Variants in CDC42EP4 observed in about 807,000 individuals in gnomAD.
CDC42EP4 encodes CDC42 effector protein (Rho GTPase binding) 4.
Under a neutral mutation model 5.6 loss-of-function variants are expected in CDC42EP4, and 6 were observed. That is an observed-to-expected ratio of 1.07 (90% CI 0.59 to 2.12). The LOEUF is 2.12. CDC42EP4 is among the 30% of genes most tolerant of loss of function. The pLI, the probability that CDC42EP4 is intolerant of heterozygous loss-of-function variation, is 0.00. For synonymous variants in CDC42EP4, 230 were observed against 224.2 expected (o/e 1.03, Z -0.23); for missense variants, 490 against 508.6 (o/e 0.96, Z 0.35).
intron 1 of CDC42EP4, among the ~76,000 whole-genome samples, chr17:73,309,226 T>C (rs1462321504): frequency 6.6e-6 from 1 of 151,688 alleles, no homozygotes; most frequent in Non-Finnish European, 1.5e-5. Context: ...TGGGCGCCAG[T>C]AGTCCCAGCT....
intron 1 of CDC42EP4, among the ~76,000 whole-genome samples, chr17:73,307,781 G>A (rs1422939038): frequency 1.9e-5 from 1 of 52,588 alleles, no homozygotes; most frequent in Non-Finnish European, 4.2e-5. Context: ...TTTTTTTTTT[G>A]AGATGGAGTC....
rs368084476 is a variant in CDC42EP4 at position 73,304,607 on chromosome 17, T to A, written c.-113+7286A>T. Among the ~76,000 whole-genome samples, 13 of 132,058 alleles carry A rather than the reference T, an allele frequency of 9.8e-5. No individual in the cohort carries two copies. In the East Asian group the frequency reaches 2.5e-3, roughly 25 times the overall value. 86.6% of individuals were successfully genotyped at this position (132,058 alleles called of 152,430 possible). A position where few individuals can be genotyped will look rare whatever the true frequency, so the allele number is the denominator to read the frequency against. On this transcript the variant is annotated intron_variant, in intron 1 of 1. Transcript: ENST00000335793. ...TAGGAGAGAGAGACAAGAATCCAGA[T>A]GTGCTGGACTCTGGGTTTTTTCCAC...
At position 73,286,138 on chromosome 17, in the gene CDC42EP4, C is replaced by T. The variant is rs1257824189; in HGVS notation, c.363G>A (p.Gln121=). ...TCTCCGCGGCCTCCTTCTCATTGAG[C>T]TGGGGCAGGGACATGGCATTCTTGA... is the stretch of plus-strand genomic sequence containing the variant. ...LFVKNAMSLP[Q]LNEKEAAEKG... is the part of the protein sequence containing the mutation. Residue 121 remains glutamine, a synonymous_variant, in exon 2 of 2, where the codon CAG becomes CAA. Transcript: ENST00000335793. This position sits in a 1 kb window ranked among gnomAD's most constrained non-coding sequence, Gnocchi z 7.7. 1.2e-6 allele frequency: 2 copies of T among 1,614,086 alleles called. No individual in the cohort carries two copies. The highest frequency in any genetic ancestry group is 1.7e-6 in the Non-Finnish European group (2 of 1,180,042).
intron 1 of CDC42EP4, among the ~76,000 whole-genome samples, chr17:73,304,028 A>G: frequency 6.6e-6 from 1 of 152,308 alleles, no homozygotes; most frequent in African/African-American, 2.4e-5. Flanking sequence ...CTCCGGAATA[A>G]CATCTCTCCA....
chr17:73,293,346 T>C (rs2062170331), intron 1 of CDC42EP4, among the ~76,000 whole-genome samples: 1 of 152,142 alleles, frequency 6.6e-6, no homozygotes, highest in African/African-American at 2.4e-5. Flanking sequence ...GATGTGGGTC[T>C]GGCGAAGGGG....
chr17:73,285,376 G>T lies in CDC42EP4; in HGVS notation c.*54C>A, dbSNP rs1015411234. On this transcript the variant is annotated 3_prime_UTR_variant, in exon 2 of 2. Coordinates refer to ENST00000335793, the MANE Select transcript of CDC42EP4 (RefSeq NM_012121.5). This position sits in a 1 kb window ranked among gnomAD's most constrained non-coding sequence, Gnocchi z 6.8. The stretch of plus-strand genomic sequence containing the variant: ...GTAGGGTCAAAGGTCATAGTGGGGT[G>T]GGGGCAGGGAGAAGATGCAGCCAAG... The T allele has an allele frequency of 3.6e-6, 5 of 1,387,292 alleles. No individual in the cohort carries two copies. In the African/African-American group the frequency reaches 4.3e-5, roughly 12 times the overall value. 85.9% of individuals were successfully genotyped at this position (1,387,292 alleles called of 1,614,324 possible).
rs199968361 is a variant in CDC42EP4, at chr17:73,286,202, C to G, written c.299G>C (p.Arg100Pro). 8 of 1,614,152 alleles carry G rather than the reference C, an allele frequency of 5.0e-6. No homozygotes were observed. The highest frequency in any genetic ancestry group is 6.8e-6 in the Non-Finnish European group (8 of 1,180,048). Residue 100 changes from arginine (R) to proline (P), a missense_variant, in exon 2 of 2, where the codon CGT becomes CCT. Transcript: ENST00000335793. The surrounding 1 kb of genome is among the most constrained non-coding windows in gnomAD (Gnocchi z 7.7). ...QSVTRGEREQ[R>P]DMLGSLRDSA... The stretch of plus-strand genomic sequence containing the variant: ...GTCCCGCAGGGAGCCCAGCATGTCA[C>G]GCTGCTCCCGCTCCCCCCTGGTCAC...
chr17:73,298,266 G>A (rs2062199186), intron 1 of CDC42EP4, among the ~76,000 whole-genome samples: 1 of 152,178 alleles, frequency 6.6e-6, no homozygotes, highest in African/African-American at 2.4e-5. Flanking sequence ...AGTTGCCTGG[G>A]CGGAGGAAGT....
chr17:73,288,642 CCGCCTCCAAG>C (rs1002188604), intron 1 of CDC42EP4, among the ~76,000 whole-genome samples: 1 of 152,058 alleles, frequency 6.6e-6, no homozygotes, highest in Non-Finnish European at 1.5e-5. Flanking sequence ...CCGCCTCCAA[CCGCCTCCAAG>C]CACCCACTGG....
chr17:73,285,740 G>C lies in CDC42EP4; in HGVS notation c.761C>G (p.Pro254Arg). 2 of 1,586,692 alleles carry C rather than the reference G, an allele frequency of 1.3e-6. No homozygotes were observed. Among genetic ancestry groups the C allele is most frequent in the Non-Finnish European group, 1.7e-6 (2 of 1,161,162 alleles). The change falls in exon 2 of 2, where the codon CCG becomes CGG. Residue 254 changes from proline to arginine, a missense_variant. By Grantham distance (103) the Pro-to-Arg change is moderately radical. Transcript: ENST00000335793. The surrounding 1 kb of genome is among the most constrained non-coding windows in gnomAD (Gnocchi z 6.8). ...CAGGGGAGGGGCCGCCACGGCGTAC[G>C]GGGGAGCCTGGGTGATGGTGCCAGC... is the stretch of plus-strand genomic sequence containing the variant. ...GAAGTITQAP[P>R]YAVAAPPLAR...
intron 1 of CDC42EP4, among the ~76,000 whole-genome samples, chr17:73,301,923 T>C (rs113498756): frequency 0.037 from 5,580 of 151,702 alleles, 242 homozygotes; most frequent in African/African-American, 0.096. Context: ...CTCTTGACCT[T>C]AGGTGATCCA....
intron 1 of CDC42EP4, among the ~76,000 whole-genome samples, chr17:73,299,585 C>T (rs563689320): frequency 1.3e-4 from 20 of 152,178 alleles, no homozygotes; most frequent in Non-Finnish European, 2.5e-4. Flanking sequence ...ATTACAAGCA[C>T]GAACCGTTGC....
At chr17:73,288,981 C>G (rs2062147384) in intron 1 of CDC42EP4, among the ~76,000 whole-genome samples, 1 of 152,222 alleles carries the variant, frequency 6.6e-6, no homozygotes, top group South Asian at 2.1e-4. Context: ...TAGGTCAGCT[C>G]TCTCTCCTCC....
At position 73,286,024 on chromosome 17, in the gene CDC42EP4, C is replaced by T. The variant is rs757049831; in HGVS notation, c.477G>A (p.Thr159=). The T allele has an allele frequency of 6.8e-6, 11 of 1,613,598 alleles. No homozygotes were observed. Among genetic ancestry groups the T allele is most frequent in the Admixed American group, 6.7e-5 (4 of 59,996 alleles). ...DGEGGDEEAG[T]EEAVPRRNGA... ...CATTCCGACGGGGCACTGCCTCCTC[C>T]GTGCCCGCCTCCTCATCGCCGCCCT... The change falls in exon 2 of 2, where the codon ACG becomes ACA. Residue 159 remains threonine (T), a synonymous_variant. Coordinates refer to ENST00000335793, the MANE Select transcript of CDC42EP4 (RefSeq NM_012121.5). The surrounding 1 kb of genome is among the most constrained non-coding windows in gnomAD (Gnocchi z 7.7).
At chr17:73,308,879 CA>C (rs920582466) in intron 1 of CDC42EP4, among the ~76,000 whole-genome samples, 2 of 147,986 alleles carry the variant, frequency 1.4e-5, no homozygotes, top group East Asian at 2.0e-4. Context: ...TACTAAAATA[CA>C]AAAAAAAATT....
At chr17:73,291,257 G>A (rs1324809542) in intron 1 of CDC42EP4, among the ~76,000 whole-genome samples, 1 of 152,166 alleles carries the variant, frequency 6.6e-6, no homozygotes, top group East Asian at 1.9e-4. Flanking sequence ...AGGGTCCTGA[G>A]AGAGTTGGGG....
chr17:73,294,612 AG>A (rs2062175893), intron 1 of CDC42EP4, among the ~76,000 whole-genome samples: 1 of 152,328 alleles, frequency 6.6e-6, no homozygotes, highest in Non-Finnish European at 1.5e-5. Context: ...GGGGCATCAC[AG>A]GACAAACACT....
At chr17:73,290,658 G>A (rs1327830751) in intron 1 of CDC42EP4, among the ~76,000 whole-genome samples, 1 of 152,212 alleles carries the variant, frequency 6.6e-6, no homozygotes, top group Non-Finnish European at 1.5e-5. Flanking sequence ...ACACACAGGT[G>A]AAGATAGAGC....
chr17:73,296,687 T>C (rs960366314), intron 1 of CDC42EP4, among the ~76,000 whole-genome samples: 6 of 149,956 alleles, frequency 4.0e-5, no homozygotes, highest in African/African-American at 1.5e-4. Context: ...GTCTCTACTT[T>C]TAAAAAAATA....
Sources: allele counts gnomAD v4.1 joint callset (sites outside exome capture counted in the v4.1 genomes callset), GRCh38; gene constraint gnomAD v4.1.1; non-coding constraint Gnocchi (gnomAD v3.1); transcripts MANE v1.5; gene names NCBI Gene and HGNC (gene_info 2026-07-23, HGNC 2026-07-21).